Variants in UNC80 observed in about 807,000 individuals in gnomAD.
UNC80 encodes protein unc-80 homolog.
UNC80 carries 164 observed loss-of-function variants against 384.6 expected under a neutral mutation model. The ratio of observed to expected loss-of-function variants is 0.43; its 90% CI spans 0.38 to 0.49. The LOEUF is 0.49. Among genes scored for constraint, UNC80 ranks in the 20% least tolerant of loss-of-function variants. UNC80 has a pLI of 0.00. For synonymous variants in UNC80, 1,486 were observed against 1,527.8 expected (o/e 0.97, Z 0.64); for missense variants, 3,330 against 4,143.0 (o/e 0.80, Z 5.39).
In UNC80 at chr2:209,849,472, ATC is replaced by A; in HGVS notation, c.3483_3484del (p.Pro1162GlnfsTer31). On this transcript the variant is annotated frameshift_variant, in exon 22 of 65. Coordinates refer to ENST00000673920, the MANE Select transcript of UNC80 (RefSeq NM_001371986.1). LOFTEE classifies it high-confidence loss of function. ...ACAGGTTGCCACAGTTTTGATGATC[ATC>A]TCTCTCCCAACCAAGATGGTGGAAA... 6.4e-7 allele frequency: 1 copy of A among 1,550,898 alleles called. No individual in the cohort carries two copies. Among genetic ancestry groups the A allele is most frequent in the Non-Finnish European group, 8.7e-7 (1 of 1,146,432 alleles).
At chr2:209,792,286 C>T (rs1024757918) in intron 6 of UNC80, among the ~76,000 whole-genome samples, 5 of 152,174 alleles carry the variant, frequency 3.3e-5, no homozygotes, top group African/African-American at 4.8e-5. Context: ...ACTGGGTAAG[C>T]GAGACCCTGT....
intron 7 of UNC80, chr2:209,809,273 G>T: frequency 4.0e-6 from 3 of 743,776 alleles, no homozygotes; most frequent in Non-Finnish European, 7.5e-6. Flanking sequence ...AATAAGGAAT[G>T]CCTCAGCCTG....
chr2:209,990,362 T>A (rs898401411), intron 61 of UNC80, among the ~76,000 whole-genome samples: 4 of 152,188 alleles, frequency 2.6e-5, no homozygotes, highest in Non-Finnish European at 4.4e-5. Flanking sequence ...CAACATCAAA[T>A]GTAAAACAAG....
chr2:209,903,089 C>T (rs554768595), intron 28 of UNC80, among the ~76,000 whole-genome samples: 1 of 151,804 alleles, frequency 6.6e-6, no homozygotes, highest in South Asian at 2.1e-4. Flanking sequence ...CAAATCATTT[C>T]CAGATTACTT....
chr2:209,979,235 C>T (rs1467537703), intron 59 of UNC80, among the ~76,000 whole-genome samples: 6 of 152,152 alleles, frequency 3.9e-5, no homozygotes, highest in East Asian at 3.8e-4. Context: ...GGCAACAGAG[C>T]GAGCCTCTGT....
chr2:209,945,982 A>C (rs1363987462), intron 47 of UNC80, 39 bp downstream of exon 47: 7 of 1,329,366 alleles, frequency 5.3e-6, no homozygotes, highest in Admixed American at 2.0e-5. Flanking sequence ...GTGATAAGTA[A>C]ATATGGCAGA....
In UNC80 at chr2:209,955,730, TATATATATACACACAC is replaced by T. The variant is rs1173145186; in HGVS notation, c.7457+1462_7457+1477del. On this transcript the variant is annotated intron_variant, in intron 48 of 64. Transcript: ENST00000673920. ...ATATATATATATATATATATATATA[TATATATATACACACAC>T]ACACACACACACAGAGAGAGACTGA... Among the ~76,000 whole-genome samples, 19 of 63,930 alleles carry T rather than the reference TATATATATACACACAC, an allele frequency of 3.0e-4. 1 individual carries two copies. Among genetic ancestry groups the T allele is most frequent in the Admixed American group, 1.1e-3 (7 of 6,576 alleles). The allele number at this position is 63,930 out of a possible 152,430, so 41.9% of individuals were successfully genotyped here. A position where few individuals can be genotyped will look rare whatever the true frequency, so the allele number is the denominator to read the frequency against.
At chr2:209,789,710 C>A in intron 6 of UNC80, 105 bp downstream of exon 6, 1 of 745,100 alleles carries the variant, frequency 1.3e-6, no homozygotes, top group Non-Finnish European at 2.2e-6. Context: ...AGGCTCAAAG[C>A]CACTCCTCCT....
chr2:209,780,228 T>A (rs1000716567), intron 4 of UNC80, among the ~76,000 whole-genome samples: 1 of 152,194 alleles, frequency 6.6e-6, no homozygotes, highest in African/African-American at 2.4e-5. Flanking sequence ...ACTTATGGCT[T>A]GGGAATGGAG....
Position 209,866,533 on chromosome 2 carries a change from C to CACACAGAGAG in UNC80, c.3628-6224_3628-6223insCACAGAGAGA, listed in dbSNP as rs1307214321. Among the ~76,000 whole-genome samples, 9 of 104,138 alleles carry CACACAGAGAG rather than the reference C, an allele frequency of 8.6e-5. No individual in the cohort carries two copies. In the East Asian group the frequency reaches 1.1e-3, roughly 12 times the overall value. 68.3% of individuals were successfully genotyped at this position (104,138 alleles called of 152,430 possible). A position where few individuals can be genotyped will look rare whatever the true frequency, so the allele number is the denominator to read the frequency against. On this transcript the variant is annotated intron_variant, in intron 22 of 64. Transcript: ENST00000673920. The stretch of plus-strand genomic sequence containing the variant: ...ACACACACACACACACACACACACA[C>CACACAGAGAG]AGAGAGAGAGAGAGAGAGAGAGAGA...
At chr2:209,893,276 CT>C (rs1204341695) in intron 26 of UNC80, among the ~76,000 whole-genome samples, 2 of 152,132 alleles carry the variant, frequency 1.3e-5, no homozygotes, top group South Asian at 2.1e-4. Context: ...ACTTTAAACC[CT>C]GAAAACTTAC....
At chr2:209,875,173 A>G (rs1227892512) in intron 23 of UNC80, among the ~76,000 whole-genome samples, 1 of 152,092 alleles carries the variant, frequency 6.6e-6, no homozygotes, top group East Asian at 1.9e-4. Context: ...CAGCCTCCAG[A>G]CTTGCACCCT....
Position 209,943,663 on chromosome 2 carries a change from T to A in UNC80, c.7050+149T>A, listed in dbSNP as rs2091766558. On this transcript the variant is annotated intron_variant, in intron 45 of 64. Transcript: ENST00000673920. ...AAGGCAGGCAGAGGAGTCGAAAAAC[T>A]GTATAGTGAAAAAAGGAGAAGCTTC... The A allele has an allele frequency of 3.1e-6, 3 of 955,054 alleles. No individual in the cohort carries two copies. In the East Asian group the frequency reaches 7.9e-5, roughly 25 times the overall value. The allele number at this position is 955,054 out of a possible 1,614,324, so 59.2% of individuals were successfully genotyped here.
chr2:209,984,890 G>A lies in UNC80; in HGVS notation c.9292G>A (p.Ala3098Thr), dbSNP rs1423306675. 1 of 1,550,504 alleles carries A rather than the reference G, an allele frequency of 6.4e-7. No individual in the cohort carries two copies. Among genetic ancestry groups the A allele is most frequent in the South Asian group, 1.2e-5 (1 of 83,946 alleles). ...PNVLDDSQGL[A>T]AEGSLSRVAS... Reference sequence around the variant, plus strand: ...TGTCCTCGATGACTCCCAGGGCCTGGCCGCCGAGGGCAGCCTCTCTAGGTA... The same window carrying A: ...TGTCCTCGATGACTCCCAGGGCCTGACCGCCGAGGGCAGCCTCTCTAGGTA... Residue 3098 changes from alanine to threonine, a missense_variant, in exon 61 of 65, where the codon GCC (alanine) becomes ACC (threonine). Transcript: ENST00000673920.
intron 43 of UNC80, among the ~76,000 whole-genome samples, chr2:209,940,652 A>T (rs2091565485): frequency 6.6e-6 from 1 of 152,078 alleles, no homozygotes; most frequent in Admixed American, 6.6e-5. Flanking sequence ...TGTCTCTACT[A>T]AAAATACAAA....
intron 7 of UNC80, among the ~76,000 whole-genome samples, chr2:209,806,323 C>T (rs1008935329): frequency 2.6e-5 from 4 of 152,088 alleles, no homozygotes; most frequent in Non-Finnish European, 5.9e-5. Context: ...AAACAAAAGC[C>T]AGCTATAATG....
Position 209,834,994 on chromosome 2 carries a change from TCA to T in UNC80, c.3028_3029del (p.Gln1010AspfsTer6). ...ECRSFMSGRP[S>X]QTPEHDEQMQ... ...TCGCAGCTTCATGTCTGGTCGCCCC[TCA>T]CAGACTCCAGAGCAGTAAGTAGCGT... On this transcript the variant is annotated frameshift_variant, in exon 18 of 65. Coordinates refer to ENST00000673920, the MANE Select transcript of UNC80 (RefSeq NM_001371986.1). LOFTEE classifies it high-confidence loss of function. The T allele has an allele frequency of 6.4e-7, 1 of 1,550,640 alleles. No individual in the cohort carries two copies. Among genetic ancestry groups the T allele is most frequent in the Non-Finnish European group, 8.7e-7 (1 of 1,146,226 alleles).
intron 54 of UNC80, among the ~76,000 whole-genome samples, chr2:209,971,878 T>G (rs1009151053): frequency 6.6e-6 from 1 of 152,242 alleles, no homozygotes; most frequent in African/African-American, 2.4e-5. Context: ...TTCTCCTTTG[T>G]TGTTAAAATA....
At chr2:209,841,784 G>C (rs1218201764) in intron 20 of UNC80, among the ~76,000 whole-genome samples, 1 of 152,138 alleles carries the variant, frequency 6.6e-6, no homozygotes, top group Non-Finnish European at 1.5e-5. Flanking sequence ...AAAAACATAA[G>C]TCATGTATTT....
Sources: allele counts gnomAD v4.1 joint callset (sites outside exome capture counted in the v4.1 genomes callset), GRCh38; gene constraint gnomAD v4.1.1; transcripts MANE v1.5; gene names NCBI Gene and HGNC (gene_info 2026-07-23, HGNC 2026-07-21).